SPMAP2L: variants seen among roughly 807,000 people sequenced by gnomAD.
The protein encoded by SPMAP2L is sperm microtubule associated protein 2-like.
chr4:56,593,098 T>A, the SPMAP2L span: 1 of 1,578,330 alleles, frequency 6.3e-7, no homozygotes, highest in Non-Finnish European at 8.7e-7. Flanking sequence ...CACAGACGAT[T>A]TTGCGGAACT....
chr4:56,562,131 A>G, the SPMAP2L span, among the ~76,000 whole-genome samples: 1 of 152,194 alleles, frequency 6.6e-6, no homozygotes, highest in African/African-American at 2.4e-5. Context: ...TAAGGAGTTT[A>G]TCATCTATTA....
At chr4:56,539,502 AC>A in the SPMAP2L span, among the ~76,000 whole-genome samples, 2 of 152,026 alleles carry the variant, frequency 1.3e-5, no homozygotes, top group African/African-American at 4.8e-5. Flanking sequence ...GCTCACTGCA[AC>A]CTCTGCCTCC....
the SPMAP2L span, among the ~76,000 whole-genome samples, chr4:56,609,284 A>T: frequency 6.6e-6 from 1 of 151,840 alleles, no homozygotes; most frequent in Non-Finnish European, 1.5e-5. Context: ...CTTGTGATCC[A>T]CCTGCCTTGG....
chr4:56,532,709 A>T, the SPMAP2L span, among the ~76,000 whole-genome samples: 1 of 152,020 alleles, frequency 6.6e-6, no homozygotes, highest in East Asian at 1.9e-4. Flanking sequence ...TACTCTCCCA[A>T]AACTGCTCTA....
At chr4:56,550,410 G>T in the SPMAP2L span, among the ~76,000 whole-genome samples, 3 of 152,162 alleles carry the variant, frequency 2.0e-5, no homozygotes, top group African/African-American at 7.2e-5. Context: ...ATTCTGAAAA[G>T]TAGATAGGAC....
chr4:56,624,315 A>G, the SPMAP2L span, among the ~76,000 whole-genome samples: 1 of 152,206 alleles, frequency 6.6e-6, no homozygotes, highest in Non-Finnish European at 1.5e-5. Flanking sequence ...TTAAAAGGGA[A>G]AAAAAGAACA....
At chr4:56,621,875 G>A in the SPMAP2L span, among the ~76,000 whole-genome samples, 1 of 152,160 alleles carries the variant, frequency 6.6e-6, no homozygotes, top group Admixed American at 6.6e-5. Flanking sequence ...AGGATTTTTA[G>A]GGCGGTGAAA....
the SPMAP2L span, chr4:56,548,849 TC>T: frequency 9.6e-5 from 138 of 1,444,712 alleles, no homozygotes; most frequent in Admixed American, 6.9e-4. Context: ...AGTACTATTT[TC>T]ACAGACCTAA....
At chr4:56,543,263 T>G in the SPMAP2L span, among the ~76,000 whole-genome samples, 1 of 152,140 alleles carries the variant, frequency 6.6e-6, no homozygotes, top group African/African-American at 2.4e-5. Flanking sequence ...TTTTGTATTT[T>G]TAGTAGAGAC....
the SPMAP2L span, among the ~76,000 whole-genome samples, chr4:56,535,661 G>T: frequency 3.3e-5 from 5 of 152,180 alleles, no homozygotes; most frequent in African/African-American, 1.2e-4. Flanking sequence ...TGTCTGAGGG[G>T]TTTTGTCTGT....
chr4:56,543,949 A>T, the SPMAP2L span, among the ~76,000 whole-genome samples: 6,475 of 115,696 alleles, frequency 0.056, 386 homozygotes, highest in African/African-American at 0.18. Flanking sequence ...AGAGAGAGAG[A>T]GTGTGTGTGT....
the SPMAP2L span, among the ~76,000 whole-genome samples, chr4:56,562,605 C>A: frequency 1.3e-5 from 2 of 152,066 alleles, no homozygotes; most frequent in Non-Finnish European, 2.9e-5. Flanking sequence ...TACCTAAAAC[C>A]ATTTGGAATA....
At chr4:56,578,926 A>C in the SPMAP2L span, among the ~76,000 whole-genome samples, 3 of 152,050 alleles carry the variant, frequency 2.0e-5, no homozygotes, top group Non-Finnish European at 2.9e-5. Context: ...AGAAAAAAAA[A>C]AGTAAGAAAG....
the SPMAP2L span, among the ~76,000 whole-genome samples, chr4:56,619,613 C>T: frequency 2.0e-5 from 3 of 152,186 alleles, no homozygotes; most frequent in Non-Finnish European, 2.9e-5. Context: ...TGTATATATA[C>T]CACATTTTTA....
At chr4:56,538,630 C>T in the SPMAP2L span, among the ~76,000 whole-genome samples, 1 of 152,130 alleles carries the variant, frequency 6.6e-6, no homozygotes, top group Non-Finnish European at 1.5e-5. Flanking sequence ...TGGTGAAACC[C>T]CAGCTCTACT....
the SPMAP2L span, among the ~76,000 whole-genome samples, chr4:56,543,973 TGAGAGAGAGAGAGA>T: frequency 2.4e-5 from 3 of 127,298 alleles, no homozygotes; most frequent in South Asian, 2.7e-4. Context: ...TGTGTGTATG[TGAGAGAGAGAGAGA>T]GAGAGAGAGA....
the SPMAP2L span, chr4:56,595,827 A>G: frequency 2.6e-6 from 2 of 756,196 alleles, no homozygotes; most frequent in East Asian, 2.4e-5. Flanking sequence ...GGAGTTTTAT[A>G]TACTGTGTAT....
chr4:56,574,931 C>G, the SPMAP2L span, among the ~76,000 whole-genome samples: 1 of 147,784 alleles, frequency 6.8e-6, no homozygotes, highest in Non-Finnish European at 1.5e-5. Flanking sequence ...GCAGTGAGCC[C>G]GTGTATGATC....
At chr4:56,572,952 G>T in the SPMAP2L span, among the ~76,000 whole-genome samples, 11 of 151,532 alleles carry the variant, frequency 7.3e-5, no homozygotes, top group African/African-American at 2.7e-4. Context: ...GGAGGCAGAG[G>T]TTGCAGTGAG....
Sources: allele counts gnomAD v4.1 joint callset (sites outside exome capture counted in the v4.1 genomes callset), GRCh38; gene constraint gnomAD v4.1.1; transcripts MANE v1.5; gene names NCBI Gene and HGNC (gene_info 2026-07-23, HGNC 2026-07-21).